TCAF1: variants seen among roughly 807,000 people sequenced by gnomAD.
TCAF1 encodes the protein TRPM8 channel-associated factor 1.
Under a neutral mutation model 27.3 loss-of-function variants are expected in TCAF1, and 4 were observed. That is an observed-to-expected ratio of 0.15 (90% CI 0.07 to 0.34). TCAF1 has a LOEUF of 0.34. Among genes scored for constraint, TCAF1 ranks in the 10% least tolerant of loss-of-function variants. The probability of loss-of-function intolerance (pLI) is 1.00; values close to 1 mark genes in which losing one functional copy is unlikely to be tolerated. For synonymous variants in TCAF1, 105 were observed against 167.1 expected, an observed-to-expected ratio of 0.63 and a Z score of 2.87; for missense variants, 257 against 425.8, an observed-to-expected ratio of 0.60 and a Z score of 3.49.
At chr7:143,859,973 A>AT (rs1563211760) in intron 6 of TCAF1, among the ~76,000 whole-genome samples, 12 of 14,656 alleles carry the variant, frequency 8.2e-4, no homozygotes, top group African/African-American at 1.7e-3. Flanking sequence ...TATATTATAT[A>AT]ATATATATTA....
chr7:143,886,266 A>G (rs1405649713), intron 1 of TCAF1, among the ~76,000 whole-genome samples: 1 of 152,094 alleles, frequency 6.6e-6, no homozygotes, highest in Non-Finnish European at 1.5e-5. Flanking sequence ...TTTGCTGGGT[A>G]CCTAAGGAAG....
At position 143,877,707 on chromosome 7, in the gene TCAF1, A is replaced by G. The variant is rs181019335; in HGVS notation, c.-14-1085T>C. On this transcript the variant is annotated intron_variant, in intron 1 of 8. Coordinates refer to ENST00000479870, the MANE Select transcript of TCAF1 (RefSeq NM_014719.3). ...CAAGGACAGATGTGTTTTCATGGTC[A>G]GGTCATGCAGGTTGTCTCATCCTCA... Among the ~76,000 whole-genome samples the G allele has an allele frequency of 2.1e-3, 314 of 152,348 alleles. 2 individuals are homozygous for G. The highest frequency in any genetic ancestry group is 4.8e-3 in the South Asian group (23 of 4,826).
chr7:143,859,778 G>C (rs1193961738), intron 6 of TCAF1, among the ~76,000 whole-genome samples: 1 of 149,632 alleles, frequency 6.7e-6, no homozygotes, highest in Admixed American at 6.9e-5. Context: ...CATTTTTACC[G>C]GCTTGAAGTC....
chr7:143,894,219 A>G (rs536602796), intron 1 of TCAF1, among the ~76,000 whole-genome samples: 5 of 152,028 alleles, frequency 3.3e-5, no homozygotes, highest in Admixed American at 3.3e-4. Context: ...GCAGTCCAAA[A>G]TCAAAAACAT....
At chr7:143,901,734 G>T (rs1049113136) in intron 1 of TCAF1, among the ~76,000 whole-genome samples, 3 of 152,192 alleles carry the variant, frequency 2.0e-5, no homozygotes, top group African/African-American at 7.2e-5. Context: ...ACGAAAATAG[G>T]GGGGGTCATC....
intron 1 of TCAF1, among the ~76,000 whole-genome samples, chr7:143,889,944 CT>C (rs1327143054): frequency 6.6e-6 from 1 of 152,158 alleles, no homozygotes; most frequent in East Asian, 1.9e-4. Context: ...GATTTGGCTC[CT>C]TCTGACTTCG....
At chr7:143,886,757 G>A (rs1005570789) in intron 1 of TCAF1, among the ~76,000 whole-genome samples, 4 of 141,940 alleles carry the variant, frequency 2.8e-5, no homozygotes, top group Non-Finnish European at 4.5e-5. Context: ...GCAGTGGAGC[G>A]AGGCTCACTG....
At chr7:143,897,886 G>C (rs1446457589) in intron 1 of TCAF1, among the ~76,000 whole-genome samples, 1 of 151,952 alleles carries the variant, frequency 6.6e-6, no homozygotes, top group East Asian at 1.9e-4. Flanking sequence ...GATAATACCA[G>C]CATCAGAAAA....
chr7:143,886,444 C>G (rs1813406661), intron 1 of TCAF1: 6 of 932,094 alleles, frequency 6.4e-6, no homozygotes, highest in Non-Finnish European at 7.7e-6. Flanking sequence ...TTCAACTGCT[C>G]CAACTACAGG....
At chr7:143,890,441 A>G (rs1203221773) in intron 1 of TCAF1, among the ~76,000 whole-genome samples, 1 of 152,210 alleles carries the variant, frequency 6.6e-6, no homozygotes, top group Non-Finnish European at 1.5e-5. Flanking sequence ...TTATTTTTCA[A>G]AAAATTTTTA....
rs1563212118 is a variant in TCAF1, at chr7:143,860,013, ATATATATTATATAT to A, written c.2167+181_2167+194del. Among the ~76,000 whole-genome samples the A allele has an allele frequency of 2.2e-4, 4 of 18,422 alleles. 1 individual carries two copies. Among genetic ancestry groups the A allele is most frequent in the Non-Finnish European group, 4.3e-4 (3 of 7,016 alleles). The allele number at this position is 18,422 out of a possible 152,430, so 12.1% of individuals were successfully genotyped here. On this transcript the variant is annotated intron_variant, in intron 6 of 8. Transcript: ENST00000479870. ...ATATATATTATATAATATATATATA[ATATATATTATATAT>A]TATATATATAATATATAATATATAT...
In TCAF1 at chr7:143,851,605, G is replaced by A. The variant is rs1393562284; in HGVS notation, c.*2528C>T. The stretch of plus-strand genomic sequence containing the variant: ...TTGAGCAATAATTTCTTGACTTACT[G>A]ACTTTACAACATCTTTAATAATTCC... On this transcript the variant is annotated 3_prime_UTR_variant, in exon 9 of 9. Transcript: ENST00000479870. The A allele has an allele frequency of 6.6e-6, 1 of 152,250 alleles. No homozygotes were observed. 9.4% of individuals were successfully genotyped at this position (152,250 alleles called of 1,614,324 possible).
chr7:143,890,342 C>A (rs1328944054), intron 1 of TCAF1, among the ~76,000 whole-genome samples: 1 of 152,104 alleles, frequency 6.6e-6, no homozygotes, highest in Non-Finnish European at 1.5e-5. Context: ...ATTCCTAGGA[C>A]CTTCAGTTTC....
intron 1 of TCAF1, 124 bp from the exon 2 acceptor site, chr7:143,876,746 G>GA (rs1439840780): frequency 1.9e-5 from 13 of 684,766 alleles, no homozygotes; most frequent in Non-Finnish European, 2.6e-5. Flanking sequence ...CTGACACTGG[G>GA]AAATGATTTA....
intron 1 of TCAF1, among the ~76,000 whole-genome samples, chr7:143,898,425 G>T (rs1300524046): frequency 6.6e-6 from 1 of 152,134 alleles, no homozygotes; most frequent in Non-Finnish European, 1.5e-5. Context: ...CGGATGATAT[G>T]ATTGCCTATG....
intron 1 of TCAF1, among the ~76,000 whole-genome samples, chr7:143,884,770 G>C (rs1813306112): frequency 6.6e-6 from 1 of 151,956 alleles, no homozygotes; most frequent in Non-Finnish European, 1.5e-5. Flanking sequence ...GGAAGAGAGG[G>C]AGCGCTGAAG....
chr7:143,885,388 C>T (rs899692714), intron 1 of TCAF1: 3 of 985,292 alleles, frequency 3.0e-6, no homozygotes, highest in African/African-American at 3.5e-5. Context: ...GGGGCGTCCC[C>T]GGGAGCTGAT....
intron 1 of TCAF1, among the ~76,000 whole-genome samples, chr7:143,894,624 A>G (rs1388750947): frequency 6.6e-6 from 1 of 151,810 alleles, no homozygotes; most frequent in Non-Finnish European, 1.5e-5. Context: ...AGCATAAGGA[A>G]TCTTTTTGTG....
intron 6 of TCAF1, among the ~76,000 whole-genome samples, chr7:143,859,951 TATTACGG>T (rs1305576345): frequency 3.5e-5 from 2 of 57,498 alleles, no homozygotes; most frequent in Non-Finnish European, 6.6e-5. Flanking sequence ...ATATAATATA[TATTACGG>T]AATATATATT....
Sources: gnomAD v4.1 joint callset for allele counts (sites outside exome capture counted in the v4.1 genomes callset) on GRCh38, gnomAD v4.1.1 for gene constraint, MANE v1.5 for transcripts, NCBI Gene and HGNC (gene_info 2026-07-23, HGNC 2026-07-21) for gene names.